CDKN3: variants seen among roughly 807,000 people sequenced by gnomAD.
CDKN3 encodes the protein cyclin-dependent kinase inhibitor 3.
Under a neutral mutation model 36.1 loss-of-function variants are expected in CDKN3, and 19 were observed. The ratio of observed to expected loss-of-function variants is 0.53; its 90% confidence interval spans 0.37 to 0.77. The LOEUF (loss-of-function observed/expected upper bound fraction) is 0.77, where lower values mean the gene tolerates loss of function less well. CDKN3 is among the 30% of genes least tolerant of loss of function. The pLI is 0.00. For missense variants in CDKN3, 188 were observed against 248.6 expected, an observed-to-expected ratio of 0.76 and a Z score of 1.64; for synonymous variants, 71 against 85.3, an observed-to-expected ratio of 0.83 and a Z score of 0.92.
At chr14:54,413,916 G>GT (rs1324824665) in intron 5 of CDKN3, 5 of 1,002,142 alleles carry the variant, frequency 5.0e-6, no homozygotes, top group Non-Finnish European at 6.6e-6. Context: ...TCTAGAGGAT[G>GT]TAAGTCCAAA....
At chr14:54,413,658 T>C (rs1265700754) in intron 5 of CDKN3, 2 of 1,535,450 alleles carry the variant, frequency 1.3e-6, no homozygotes, top group East Asian at 2.4e-5. Context: ...CATTCTGCCA[T>C]CTTTGAGGAC....
intron 7 of CDKN3, among the ~76,000 whole-genome samples, chr14:54,418,641 G>A (rs1486597274): frequency 6.6e-6 from 1 of 152,210 alleles, no homozygotes; most frequent in Non-Finnish European, 1.5e-5. Flanking sequence ...AGAGGAGTGG[G>A]CACCAAAGAA....
chr14:54,399,148 G>C (rs961817612), intron 1 of CDKN3, among the ~76,000 whole-genome samples: 1 of 151,822 alleles, frequency 6.6e-6, no homozygotes, highest in Non-Finnish European at 1.5e-5. Context: ...ACCATGCCTG[G>C]TTAATTTTTG....
chr14:54,398,124 C>G (rs1490722953), intron 1 of CDKN3, among the ~76,000 whole-genome samples: 1 of 152,192 alleles, frequency 6.6e-6, no homozygotes, highest in African/African-American at 2.4e-5. Context: ...GAGCAAAACC[C>G]TATCTCAAGA....
chr14:54,397,211 G>C (rs1566701991), intron 1 of CDKN3, 134 bp downstream of exon 1: 3 of 1,072,928 alleles, frequency 2.8e-6, no homozygotes, highest in Non-Finnish European at 2.5e-6. Flanking sequence ...TCTGCGGGTC[G>C]GGGAGGTGAC....
At chr14:54,398,884 G>T (rs1010567996) in intron 1 of CDKN3, among the ~76,000 whole-genome samples, 4 of 151,864 alleles carry the variant, frequency 2.6e-5, no homozygotes, top group Non-Finnish European at 5.9e-5. Context: ...AAAAGGGGTG[G>T]GCAAAACTAC....
chr14:54,408,541 A>G, intron 3 of CDKN3: 2 of 567,446 alleles, frequency 3.5e-6, no homozygotes, highest in Non-Finnish European at 5.6e-6. Context: ...GAAGAAACAC[A>G]GAATACAGAA....
chr14:54,399,062 T>C (rs1480721015), intron 1 of CDKN3, among the ~76,000 whole-genome samples: 1 of 140,528 alleles, frequency 7.1e-6, no homozygotes, highest in Non-Finnish European at 1.5e-5. Context: ...CCTGGCTCAC[T>C]GCAACCTCTG....
intron 5 of CDKN3, chr14:54,412,872 G>C (rs757332844): frequency 9.7e-6 from 5 of 517,140 alleles, no homozygotes; most frequent in Admixed American, 5.8e-5. Flanking sequence ...GACCTCAAAA[G>C]CCCCAAGTTC....
intron 2 of CDKN3, among the ~76,000 whole-genome samples, chr14:54,401,152 G>GT (rs937321420): frequency 1.3e-5 from 2 of 152,016 alleles, no homozygotes; most frequent in Non-Finnish European, 2.9e-5. Context: ...TTGTTTTCTT[G>GT]TTTTTTGTAG....
chr14:54,401,873 A>G (rs1313104658), intron 3 of CDKN3, among the ~76,000 whole-genome samples: 6 of 152,036 alleles, frequency 3.9e-5, no homozygotes, highest in Non-Finnish European at 7.4e-5. Flanking sequence ...GTGAGAACAT[A>G]TGATGTTTGG....
intron 1 of CDKN3, among the ~76,000 whole-genome samples, chr14:54,399,668 T>G (rs955491506): frequency 6.6e-6 from 1 of 152,222 alleles, no homozygotes; most frequent in African/African-American, 2.4e-5. Flanking sequence ...AAGCCAGATT[T>G]CTTGGTTCCC....
rs1003759895 is a variant in CDKN3 at position 54,399,788 on chromosome 14, G to C, written c.10-106G>C. ...TCGTTAATATTCTGGATTGATGGCT[G>C]AATACATTGCAAATATGAATTCAGT... On this transcript the variant is annotated intron_variant, in intron 1 of 7. Coordinates refer to ENST00000335183, the MANE Select transcript of CDKN3 (RefSeq NM_005192.4). 2.3e-5 allele frequency: 16 copies of C among 710,500 alleles called. No homozygotes were observed. The African/African-American group carries it at 2.9e-4, about 13-fold the overall frequency. The allele number at this position is 710,500 out of a possible 1,614,324, so 44.0% of individuals were successfully genotyped here.
At position 54,398,164 on chromosome 14, in the gene CDKN3, G is replaced by A. The variant is rs577104410; in HGVS notation, c.9+1087G>A. Reference sequence around the variant, plus strand: ...AGAAAGAAAGAAAAAAAAGTCCGTAGCCTAAATTAGCCGTCCTGTGATCTT... The same window carrying A: ...AGAAAGAAAGAAAAAAAAGTCCGTAACCTAAATTAGCCGTCCTGTGATCTT... On this transcript the variant is annotated intron_variant, in intron 1 of 7. Transcript: ENST00000335183. 1.5e-4 allele frequency among the ~76,000 whole-genome samples: 23 copies of A among 152,172 alleles called. 1 individual carries two copies. The highest frequency in any genetic ancestry group is 2.5e-4 in the Non-Finnish European group (17 of 68,022).
Position 54,397,054 on chromosome 14 carries a change from G to C in CDKN3, c.-15G>C, listed in dbSNP as rs1254782173. 2.7e-6 allele frequency: 4 copies of C among 1,499,970 alleles called. No individual in the cohort carries two copies. Among genetic ancestry groups the C allele is most frequent in the Non-Finnish European group, 3.6e-6 (4 of 1,122,112 alleles). The allele number at this position is 1,499,970 out of a possible 1,614,324, so 92.9% of individuals were successfully genotyped here. A position where few individuals can be genotyped will look rare whatever the true frequency, so the allele number is the denominator to read the frequency against. ...AGAGGGAGGCGGCACTGGTCTCGAC[G>C]TGGGGCGGCCAGCGATGAAGCCGGT... On this transcript the variant is annotated 5_prime_UTR_variant, in exon 1 of 8. Coordinates refer to ENST00000335183, the MANE Select transcript of CDKN3 (RefSeq NM_005192.4).
At chr14:54,415,444 C>T (rs1273571290) in intron 5 of CDKN3, among the ~76,000 whole-genome samples, 2 of 152,244 alleles carry the variant, frequency 1.3e-5, no homozygotes, top group Non-Finnish European at 2.9e-5. Flanking sequence ...GAAGCCCAGG[C>T]AGTGGTGCTC....
At chr14:54,415,653 A>C (rs1172658899) in intron 5 of CDKN3, among the ~76,000 whole-genome samples, 1 of 152,262 alleles carries the variant, frequency 6.6e-6, no homozygotes, top group African/African-American at 2.4e-5. Flanking sequence ...GGATCTTGGA[A>C]CCTAAAGAGG....
At position 54,407,785 on chromosome 14, in the gene CDKN3, C is replaced by T. The variant is rs537837905; in HGVS notation, c.149-960C>T. ...CAGTGGATCTTAGCTTGTTGGGCTCCGTTGGGGGTGGGATCCACAGAGCAA... is the reference window on the plus strand; with the variant it reads ...CAGTGGATCTTAGCTTGTTGGGCTCTGTTGGGGGTGGGATCCACAGAGCAA... On this transcript the variant is annotated intron_variant, in intron 3 of 7. Coordinates refer to ENST00000335183, the MANE Select transcript of CDKN3 (RefSeq NM_005192.4). Among the ~76,000 whole-genome samples, 10 of 152,306 alleles carry T rather than the reference C, an allele frequency of 6.6e-5. No homozygotes were observed. The South Asian group carries it at 1.7e-3, about 25-fold the overall frequency.
chr14:54,412,762 A>G, intron 5 of CDKN3: 1 of 417,390 alleles, frequency 2.4e-6, no homozygotes, highest in Non-Finnish European at 4.9e-6. Flanking sequence ...AGAGCCAGCC[A>G]TGGGGAGGAA....
Sources: allele counts gnomAD v4.1 joint callset (sites outside exome capture counted in the v4.1 genomes callset), GRCh38; gene constraint gnomAD v4.1.1; transcripts MANE v1.5; gene names NCBI Gene and HGNC (gene_info 2026-07-23, HGNC 2026-07-21).